The following ANKRD42 variants were observed in gnomAD, a reference collection of about 807,000 sequenced individuals.
ANKRD42 encodes ankyrin repeat domain-containing protein 42.
A neutral mutation model predicts 51.5 loss-of-function variants in ANKRD42; 43 were observed. The ratio of observed to expected loss-of-function variants is 0.83; its 90% CI spans 0.65 to 1.08. The LOEUF (loss-of-function observed/expected upper bound fraction) is 1.08. Ranked by LOEUF, ANKRD42 falls within the 50% of genes least tolerant of loss-of-function variation. The pLI, the probability that ANKRD42 is intolerant of heterozygous loss-of-function variation, is 0.00. For synonymous variants in ANKRD42, 203 were observed against 213.0 expected (o/e 0.95, Z 0.41); for missense variants, 608 against 629.3 (o/e 0.97, Z 0.36).
intron 3 of ANKRD42, chr11:83,210,012 TGA>T: frequency 1.1e-5 from 4 of 365,056 alleles, no homozygotes; most frequent in Non-Finnish European, 2.0e-5. Context: ...TATGGCAACT[TGA>T]GAATTTATGT....
At chr11:83,195,959 C>A (rs1307178371) in intron 1 of ANKRD42, among the ~76,000 whole-genome samples, 1 of 151,706 alleles carries the variant, frequency 6.6e-6, no homozygotes, top group Non-Finnish European at 1.5e-5. Flanking sequence ...CATTCTTCTG[C>A]GTCAGCCTCC....
At chr11:83,213,180 T>C in intron 5 of ANKRD42, 2 of 1,601,214 alleles carry the variant, frequency 1.2e-6, no homozygotes, top group Non-Finnish European at 1.7e-6. Context: ...CCAACATTGG[T>C]TGTGGGAGCG....
At chr11:83,218,579 G>T (rs1422040813) in intron 5 of ANKRD42, among the ~76,000 whole-genome samples, 1 of 152,174 alleles carries the variant, frequency 6.6e-6, no homozygotes, top group Non-Finnish European at 1.5e-5. Flanking sequence ...AAATCTGAGA[G>T]TGAGAAGGGG....
Position 83,225,805 on chromosome 11 carries a change from AG to A in ANKRD42, c.787+752del, listed in dbSNP as rs1862863997. Among the ~76,000 whole-genome samples the A allele has an allele frequency of 1.4e-5, 2 of 139,856 alleles. 1 individual carries two copies. The highest frequency in any genetic ancestry group is 4.6e-4 in the South Asian group (2 of 4,324). 91.8% of individuals were successfully genotyped at this position (139,856 alleles called of 152,430 possible). On this transcript the variant is annotated intron_variant, in intron 6 of 10. Transcript: ENST00000533342. ...TGGAAAAAAAAAAAAAAAAAAAAAAAGGAATAAAATATAGAGTTGAAGCCCT... is the reference window on the plus strand; with the variant it reads ...TGGAAAAAAAAAAAAAAAAAAAAAAAGAATAAAATATAGAGTTGAAGCCCT...
At chr11:83,247,119 AT>A (rs34127140) in intron 10 of ANKRD42, among the ~76,000 whole-genome samples, 202 of 146,538 alleles carry the variant, frequency 1.4e-3, no homozygotes, top group Admixed American at 2.0e-3. Context: ...TGAGATGTAG[AT>A]TTTTTTTTTT....
rs539259244 is a variant in ANKRD42, at chr11:83,242,567, G to GTTTT, written c.1195+1648_1195+1651dup. On this transcript the variant is annotated intron_variant, in intron 9 of 10. Coordinates refer to ENST00000533342, the MANE Select transcript of ANKRD42 (RefSeq NM_001300975.2). Reference sequence around the variant, plus strand: ...GGGGAATTCGGTGAATGGTAGTTAAGTTTTTTTTTTTTTTTTTTAGATGGA... The same window carrying GTTTT: ...GGGGAATTCGGTGAATGGTAGTTAAGTTTTTTTTTTTTTTTTTTTTTTAGATGGA... 1.4e-3 allele frequency among the ~76,000 whole-genome samples: 160 copies of GTTTT among 115,542 alleles called. 14 individuals carry two copies. The highest frequency in any genetic ancestry group is 9.3e-3 in the Middle Eastern group (2 of 216). 75.8% of individuals were successfully genotyped at this position (115,542 alleles called of 152,430 possible).
At chr11:83,207,470 G>C (rs569189597) in intron 3 of ANKRD42, among the ~76,000 whole-genome samples, 1 of 152,216 alleles carries the variant, frequency 6.6e-6, no homozygotes, top group African/African-American at 2.4e-5. Flanking sequence ...TTAGGAGGAG[G>C]TAGAGGGATC....
At chr11:83,202,030 CA>C (rs2135483667) in intron 2 of ANKRD42, among the ~76,000 whole-genome samples, 1 of 152,214 alleles carries the variant, frequency 6.6e-6, no homozygotes, top group Non-Finnish European at 1.5e-5. Flanking sequence ...GCTTTTGTTG[CA>C]ATTGCTTTTG....
At chr11:83,201,914 T>A (rs1861885717) in intron 2 of ANKRD42, among the ~76,000 whole-genome samples, 1 of 152,198 alleles carries the variant, frequency 6.6e-6, no homozygotes, top group African/African-American at 2.4e-5. Flanking sequence ...ATGGATAGAT[T>A]GCACAAATTT....
chr11:83,213,266 C>G, intron 5 of ANKRD42: 2 of 1,596,914 alleles, frequency 1.3e-6, no homozygotes, highest in South Asian at 1.1e-5. Context: ...GCTGGAAGTG[C>G]TGCTGATGTG....
chr11:83,228,245 T>C (rs1369998923), intron 7 of ANKRD42, among the ~76,000 whole-genome samples: 25 of 117,134 alleles, frequency 2.1e-4, no homozygotes, highest in African/African-American at 4.6e-4. Flanking sequence ...TTTTTTTTTT[T>C]TTTTTTTTTT....
chr11:83,246,811 G>T (rs1863555256), intron 10 of ANKRD42, among the ~76,000 whole-genome samples: 1 of 152,078 alleles, frequency 6.6e-6, no homozygotes, highest in South Asian at 2.1e-4. Context: ...CTGACATTTG[G>T]CTCTAGTTTA....
chr11:83,262,178 A>G (rs946082778), downstream of ANKRD42, among the ~76,000 whole-genome samples: 18 of 152,188 alleles, frequency 1.2e-4, no homozygotes, highest in African/African-American at 4.3e-4. Flanking sequence ...CCTGTATATT[A>G]AAATGTAAAT....
At chr11:83,236,737 G>C (rs994336334) in intron 8 of ANKRD42, among the ~76,000 whole-genome samples, 1 of 152,160 alleles carries the variant, frequency 6.6e-6, no homozygotes, top group Non-Finnish European at 1.5e-5. Flanking sequence ...CCTCATGGGA[G>C]GGGTCTTTGG....
rs943777680 is a variant in ANKRD42 at position 83,198,791 on chromosome 11, G to T, written c.222+149G>T. 9.2e-6 allele frequency: 6 copies of T among 653,128 alleles called. No homozygotes were observed. In the Admixed American group the frequency reaches 1.9e-4, roughly 21 times the overall value. The allele number at this position is 653,128 out of a possible 1,614,324, so 40.5% of individuals were successfully genotyped here. On this transcript the variant is annotated intron_variant, in intron 2 of 10. Coordinates refer to ENST00000533342, the MANE Select transcript of ANKRD42 (RefSeq NM_001300975.2). ...GTTTAATATTTGGGTATTCCACTTT[G>T]CTAGGGCTTTATAACAAATTATCCT...
At chr11:83,247,529 G>A (rs557480897) in intron 10 of ANKRD42, among the ~76,000 whole-genome samples, 16 of 152,230 alleles carry the variant, frequency 1.1e-4, no homozygotes, top group African/African-American at 3.9e-4. Flanking sequence ...TTCAGGGCTT[G>A]GCTTAGAAGC....
At chr11:83,230,735 T>C (rs1251886198) in intron 7 of ANKRD42, among the ~76,000 whole-genome samples, 5 of 152,198 alleles carry the variant, frequency 3.3e-5, no homozygotes, top group Middle Eastern at 3.4e-3. Flanking sequence ...TACAGGTGTG[T>C]GCCACCATGC....
intron 7 of ANKRD42, among the ~76,000 whole-genome samples, chr11:83,232,615 G>C (rs1863106803): frequency 6.6e-6 from 1 of 152,126 alleles, no homozygotes; most frequent in African/African-American, 2.4e-5. Context: ...CTCTAGCTGG[G>C]ACTTCTAGTA....
In ANKRD42 at chr11:83,244,911, CT is replaced by C. The variant is rs903045976; in HGVS notation, c.1196-576del. Among the ~76,000 whole-genome samples, 39 of 146,994 alleles carry C rather than the reference CT, an allele frequency of 2.7e-4. 1 individual carries two copies. The highest frequency in any genetic ancestry group is 4.3e-4 in the South Asian group (2 of 4,622). ...CCATTAGTCCTAAAACACTGCTAGT[CT>C]TTTTTTTTTTGAGACGGAGTCTTGC... On this transcript the variant is annotated intron_variant, in intron 9 of 10. Coordinates refer to ENST00000533342, the MANE Select transcript of ANKRD42 (RefSeq NM_001300975.2).
Sources: allele counts gnomAD v4.1 joint callset (sites outside exome capture counted in the v4.1 genomes callset), GRCh38; gene constraint gnomAD v4.1.1; transcripts MANE v1.5; gene names NCBI Gene and HGNC (gene_info 2026-07-23, HGNC 2026-07-21).